The following SECISBP2L variants were observed in gnomAD, a reference collection of about 807,000 sequenced individuals.
SECISBP2L encodes the protein SECIS binding protein 2 like, also known as selenocysteine insertion sequence-binding protein 2-like.
A neutral mutation model predicts 114.7 loss-of-function variants in SECISBP2L; 43 were observed. That is an observed-to-expected ratio of 0.38 (90% CI 0.29 to 0.48). SECISBP2L has a LOEUF of 0.48. Among genes scored for constraint, SECISBP2L ranks in the 20% least tolerant of loss-of-function variants. The pLI is 0.98. For synonymous variants in SECISBP2L, 451 were observed against 439.7 expected (o/e 1.03, Z -0.32); for missense variants, 1,136 against 1,301.1 (o/e 0.87, Z 1.95).
chr15:49,031,402 G>C (rs1233001972), intron 4 of SECISBP2L, among the ~76,000 whole-genome samples: 2 of 151,988 alleles, frequency 1.3e-5, no homozygotes, highest in Non-Finnish European at 2.9e-5. Context: ...AAGATTTCTA[G>C]AAACTCTCTT....
chr15:49,029,580 GT>G (rs201825688), intron 4 of SECISBP2L, among the ~76,000 whole-genome samples: 1,603 of 152,276 alleles, frequency 0.011, 15 homozygotes, highest in Non-Finnish European at 0.014. Flanking sequence ...TTGTTTTGGA[GT>G]TTTGCTACTA....
At position 48,990,064 on chromosome 15, in the gene SECISBP2L, TA is replaced by T. The variant is rs751433449; in HGVS notation, c.*2179del. 6.6e-6 allele frequency: 1 copy of T among 152,652 alleles called. No homozygotes were observed. The highest frequency in any genetic ancestry group is 1.5e-5 in the Non-Finnish European group (1 of 68,036). 9.5% of individuals were successfully genotyped at this position (152,652 alleles called of 1,614,324 possible). On this transcript the variant is annotated 3_prime_UTR_variant, in exon 18 of 18. Coordinates refer to ENST00000559471, the MANE Select transcript of SECISBP2L (RefSeq NM_001193489.2). The stretch of plus-strand genomic sequence containing the variant: ...CATATGCGAGAGCATTTACCGAACA[TA>T]TAAATAAACACTTCTGAAGTCTATA...
At position 49,046,424 on chromosome 15, in the gene SECISBP2L, G is replaced by C; in HGVS notation, c.-125C>G. 2 of 1,079,112 alleles carry C rather than the reference G, an allele frequency of 1.9e-6. No homozygotes were observed. The highest frequency in any genetic ancestry group is 3.3e-5 in the African/African-American group (2 of 59,910). 66.8% of individuals were successfully genotyped at this position (1,079,112 alleles called of 1,614,324 possible). ...CCTCCGCCCCTATCTGGCTGGCCGC[G>C]ACACCGATTCGGCTACGCCACTGGC... On this transcript the variant is annotated 5_prime_UTR_variant, in exon 1 of 18. Transcript: ENST00000559471.
intron 2 of SECISBP2L, 82 bp downstream of exon 2, chr15:49,037,509 T>C: frequency 8.0e-7 from 1 of 1,247,456 alleles, no homozygotes; most frequent in Non-Finnish European, 1.1e-6. Flanking sequence ...AGTCTAAAAG[T>C]TGCAAAGGAA....
At position 49,028,501 on chromosome 15, in the gene SECISBP2L, G is replaced by A. The variant is rs758473263; in HGVS notation, c.846C>T (p.Asn282=). 5 of 1,614,036 alleles carry A rather than the reference G, an allele frequency of 3.1e-6. 1 individual carries two copies. In the Admixed American group the frequency reaches 6.7e-5, roughly 22 times the overall value. The change falls in exon 5 of 18, where the codon AAC becomes AAT. Residue 282 remains asparagine, a synonymous_variant. Coordinates refer to ENST00000559471, the MANE Select transcript of SECISBP2L (RefSeq NM_001193489.2). ...TTCTCAAAGCCCCTGCTGCAGGCTG[G>A]TTGTTGCTGTGTTTGGGACTGCAGT... ...SGYCSPKHSN[N]QPAAGALRNP... is the part of the protein sequence containing the mutation.
Position 49,020,409 on chromosome 15 carries a change from G to A in SECISBP2L, c.1036-857C>T, listed in dbSNP as rs184938412. ...GTATTTTTGTAGAGACAGGGGTCTC[G>A]CTATGTTGCCCAGGCTGGTCTCAAA... is the stretch of plus-strand genomic sequence containing the variant. On this transcript the variant is annotated intron_variant, in intron 7 of 17. Transcript: ENST00000559471. Among the ~76,000 whole-genome samples, 6 of 151,874 alleles carry A rather than the reference G, an allele frequency of 4.0e-5. No individual in the cohort carries two copies. In the South Asian group the frequency reaches 6.3e-4, roughly 16 times the overall value.
At position 48,993,100 on chromosome 15, in the gene SECISBP2L, A is replaced by AGTGTGTGT. The variant is rs71120653; in HGVS notation, c.2624-182_2624-175dup. Reference sequence around the variant, plus strand: ...TAGTACTAGTTTGAGACAGAGAGAGAGTGTGTGTGTGTGTGTGTGTGTGTG... The same window carrying AGTGTGTGT: ...TAGTACTAGTTTGAGACAGAGAGAGAGTGTGTGTGTGTGTGTGTGTGTGTGTGTGTGTG... On this transcript the variant is annotated intron_variant, in intron 17 of 17. Transcript: ENST00000559471. Among the ~76,000 whole-genome samples, 390 of 139,204 alleles carry AGTGTGTGT rather than the reference A, an allele frequency of 2.8e-3. 2 individuals carry two copies. The highest frequency in any genetic ancestry group is 8.6e-3 in the African/African-American group (305 of 35,422). 91.3% of individuals were successfully genotyped at this position (139,204 alleles called of 152,430 possible).
chr15:49,037,181 C>G (rs112287592), intron 2 of SECISBP2L, among the ~76,000 whole-genome samples: 312 of 145,594 alleles, frequency 2.1e-3, no homozygotes, highest in African/African-American at 7.4e-3. Context: ...TATATGCTAA[C>G]CATGACAGCT....
intron 9 of SECISBP2L, 82 bp from the exon 10 acceptor site, chr15:49,017,097 T>C (rs1273293616): frequency 2.2e-6 from 3 of 1,392,848 alleles, no homozygotes; most frequent in Non-Finnish European, 3.0e-6. Context: ...ATGTGGGATG[T>C]TCTGCAGTAC....
intron 13 of SECISBP2L, 97 bp downstream of exon 13, chr15:49,011,634 G>A (rs568292143): frequency 1.0e-5 from 14 of 1,363,642 alleles, no homozygotes; most frequent in African/African-American, 4.4e-5. Context: ...TATGGAGCAC[G>A]TCTTCCAATC....
chr15:49,027,179 C>T (rs1259559686), intron 7 of SECISBP2L, among the ~76,000 whole-genome samples, 186 bp downstream of exon 7: 2 of 152,088 alleles, frequency 1.3e-5, no homozygotes, highest in Non-Finnish European at 2.9e-5. Flanking sequence ...CATATATACC[C>T]ACTCAACACT....
chr15:48,993,100 AGTGTGTGTGTGT>A (rs71120653), intron 17 of SECISBP2L, among the ~76,000 whole-genome samples, 174 bp from the exon 18 acceptor site: 254 of 139,222 alleles, frequency 1.8e-3, no homozygotes, highest in Admixed American at 4.8e-3. Context: ...ACAGAGAGAG[AGTGTGTGTGTGT>A]GTGTGTGTGT....
intron 17 of SECISBP2L, 100 bp from the exon 18 acceptor site, chr15:48,993,026 A>T (rs1300187549): frequency 3.8e-6 from 4 of 1,065,290 alleles, no homozygotes; most frequent in African/African-American, 1.6e-5. Context: ...AAAATATATA[A>T]ATTTGTTGGC....
Position 49,028,150 on chromosome 15 carries a change from A to G in SECISBP2L, c.913T>C (p.Cys305Arg). The change falls in exon 6 of 18, where the codon TGT becomes CGT. Residue 305 changes from cysteine (C) to arginine (R), a missense_variant. Cys to Arg is a radical substitution (Grantham distance 180). Around this residue, in one of 2 missense-constraint regions of SECISBP2L, gnomAD observed 452 missense variants for 452.3 expected, o/e 1.00. Transcript: ENST00000559471. Reference protein sequence around the residue: ...GTMNHVESSMCAGGVNWSNVT... With the variant: ...GTMNHVESSMRAGGVNWSNVT... ...CAATGCAGAAAACAAGTACCTGCAC[A>G]CATAGATGATTCCACATGCTAAAAA... 6.3e-7 allele frequency: 1 copy of G among 1,581,188 alleles called. No individual in the cohort carries two copies. Among genetic ancestry groups the G allele is most frequent in the African/African-American group, 1.4e-5 (1 of 74,048 alleles).
chr15:49,035,620 T>C lies in SECISBP2L; in HGVS notation c.242A>G (p.Gln81Arg), dbSNP rs1374803340. The stretch of plus-strand genomic sequence containing the variant: ...TGGTCCAGTAGGGTTTGGATTGGGT[T>C]GTTGCCATCGTATATCATTGTTATA... ...PLYNNDIRWQQPNPNPTGPYF... is the reference protein window; with the variant it reads ...PLYNNDIRWQRPNPNPTGPYF... The change falls in exon 3 of 18, where the codon CAA becomes CGA. Residue 81 changes from glutamine to arginine, a missense_variant. Around this residue, in one of 2 missense-constraint regions of SECISBP2L, gnomAD observed 452 missense variants for 452.3 expected, o/e 1.00. Transcript: ENST00000559471. 1.2e-6 allele frequency: 2 copies of C among 1,613,652 alleles called. No individual in the cohort carries two copies. The highest frequency in any genetic ancestry group is 1.7e-6 in the Non-Finnish European group (2 of 1,179,694).
At chr15:49,022,819 C>G (rs1055171432) in intron 7 of SECISBP2L, among the ~76,000 whole-genome samples, 2 of 152,066 alleles carry the variant, frequency 1.3e-5, no homozygotes, top group African/African-American at 4.8e-5. Context: ...ACAAATGCTG[C>G]TGGAAGATTT....
At chr15:49,020,879 TAGG>T (rs1055826330) in intron 7 of SECISBP2L, among the ~76,000 whole-genome samples, 81 of 152,058 alleles carry the variant, frequency 5.3e-4, no homozygotes, top group African/African-American at 1.9e-3. Context: ...ATAAAACAAT[TAGG>T]AGAATAATTT....
At chr15:48,992,959 G>C in intron 17 of SECISBP2L, 33 bp from the exon 18 acceptor site, 1 of 1,551,912 alleles carries the variant, frequency 6.4e-7, no homozygotes, top group Non-Finnish European at 8.8e-7. Context: ...TTAAAAACCA[G>C]AACACTGTTT....
intron 16 of SECISBP2L, among the ~76,000 whole-genome samples, chr15:48,999,068 C>T (rs1054711452): frequency 5.9e-5 from 9 of 152,124 alleles, no homozygotes; most frequent in African/African-American, 2.2e-4. Flanking sequence ...TGTGGGAGCA[C>T]AAATATTATT....
Sources: allele counts gnomAD v4.1 joint callset (sites outside exome capture counted in the v4.1 genomes callset), GRCh38; gene constraint gnomAD v4.1.1; regional missense constraint gnomAD v4.1.1; transcripts MANE v1.5; gene names NCBI Gene and HGNC (gene_info 2026-07-23, HGNC 2026-07-21).